ST3GAL6: variants seen among roughly 807,000 people sequenced by gnomAD.
The protein encoded by ST3GAL6 is ST3 beta-galactoside alpha-2,3-sialyltransferase 6, also known as type 2 lactosamine alpha-2,3-sialyltransferase.
A neutral mutation model predicts 40.5 loss-of-function variants in ST3GAL6; 31 were observed. That is an observed-to-expected ratio of 0.77 (90% confidence interval 0.58 to 1.03). The LOEUF (loss-of-function observed/expected upper bound fraction) is 1.03, where lower values mean the gene tolerates loss of function less well. ST3GAL6 is among the 50% of genes least tolerant of loss of function. The pLI is 0.00. For missense variants in ST3GAL6, 357 were observed against 393.2 expected, an observed-to-expected ratio of 0.91 and a Z score of 0.78; for synonymous variants, 129 against 136.9, an observed-to-expected ratio of 0.94 and a Z score of 0.40.
rs1459511327 is a variant in ST3GAL6, at chr3:98,794,584, T to TAAAC, written c.*825_*828dup. The TAAAC allele has an allele frequency of 1.3e-5, 2 of 151,850 alleles. No individual in the cohort carries two copies. Among genetic ancestry groups the TAAAC allele is most frequent in the Admixed American group, 6.6e-5 (1 of 15,228 alleles). The allele number at this position is 151,850 out of a possible 1,614,324, so 9.4% of individuals were successfully genotyped here. A position where few individuals can be genotyped will look rare whatever the true frequency, so the allele number is the denominator to read the frequency against. On this transcript the variant is annotated 3_prime_UTR_variant, in exon 10 of 10. Transcript: ENST00000483910. ...AAGGTAAAGAAGATAACAGAACAAG[T>TAAAC]AAACACTTAAGAAAAGTCAAGCTGA...
At chr3:98,756,610 A>G in intron 1 of ST3GAL6, 1 of 1,103,598 alleles carries the variant, frequency 9.1e-7, no homozygotes, top group Non-Finnish European at 1.1e-6. Context: ...TAATGTTCTT[A>G]TACAATGCTT....
In ST3GAL6 at chr3:98,736,923, T is replaced by A. The variant is rs145934425; in HGVS notation, c.-12+4391T>A. ...AAAGACGGAGTGGGAGGAGATGTAG[T>A]CAGTAAGATAGGAAGGCAGATTTTG... On this transcript the variant is annotated intron_variant, in intron 1 of 9. Transcript: ENST00000265261. Among the ~76,000 whole-genome samples, 127 of 152,292 alleles carry A rather than the reference T, an allele frequency of 8.3e-4. 1 individual carries two copies. The highest frequency in any genetic ancestry group is 2.4e-3 in the Admixed American group (36 of 15,304).
chr3:98,745,127 G>A (rs1936443357), intron 1 of ST3GAL6, among the ~76,000 whole-genome samples: 1 of 152,092 alleles, frequency 6.6e-6, no homozygotes, highest in South Asian at 2.1e-4. Flanking sequence ...TCTGCCTCTG[G>A]GTTTCAAGCG....
upstream of ST3GAL6, among the ~76,000 whole-genome samples, chr3:98,761,710 A>G (rs1937792122): frequency 6.6e-6 from 1 of 152,216 alleles, no homozygotes; most frequent in South Asian, 2.1e-4. Context: ...ATAAGAGAAT[A>G]CAGGGACAAT....
At chr3:98,767,993 C>T (rs1938542183) in intron 1 of ST3GAL6, among the ~76,000 whole-genome samples, 1 of 152,086 alleles carries the variant, frequency 6.6e-6, no homozygotes, top group Non-Finnish European at 1.5e-5. Flanking sequence ...AACATCATTT[C>T]AAGCACTGAA....
In ST3GAL6 at chr3:98,750,563, C is replaced by CTT. The variant is rs34993293; in HGVS notation, c.-11-17854_-11-17853dup. Among the ~76,000 whole-genome samples the CTT allele has an allele frequency of 3.1e-3, 439 of 143,136 alleles. 1 individual carries two copies. Among genetic ancestry groups the CTT allele is most frequent in the African/African-American group, 0.01 (402 of 38,938 alleles). The allele number at this position is 143,136 out of a possible 152,430, so 93.9% of individuals were successfully genotyped here. A position where few individuals can be genotyped will look rare whatever the true frequency, so the allele number is the denominator to read the frequency against. On this transcript the variant is annotated intron_variant, in intron 1 of 9. Transcript: ENST00000265261. ...GCTTCAGACTAGCAGCACTGGCATT[C>CTT]TTTTTTTTTTTTTTGCATGATTTGG...
In ST3GAL6 at chr3:98,775,175, G is replaced by GAGTTAAGA. The variant is rs554287837; in HGVS notation, c.335+1193_335+1200dup. The stretch of plus-strand genomic sequence containing the variant: ...GTTCAACTCCAGTGCCTGGATGTCT[G>GAGTTAAGA]AGTTAAGAGTAATAAAGGTGGCCGG... On this transcript the variant is annotated intron_variant, in intron 5 of 9. Coordinates refer to ENST00000483910, the MANE Select transcript of ST3GAL6 (RefSeq NM_001323368.2). 3.5e-3 allele frequency among the ~76,000 whole-genome samples: 536 copies of GAGTTAAGA among 152,246 alleles called. 5 individuals carry two copies. Among genetic ancestry groups the GAGTTAAGA allele is most frequent in the African/African-American group, 9.3e-3 (386 of 41,528 alleles).
intron 1 of ST3GAL6, among the ~76,000 whole-genome samples, chr3:98,738,023 C>A (rs1935702597): frequency 6.6e-6 from 1 of 151,956 alleles, no homozygotes; most frequent in Non-Finnish European, 1.5e-5. Flanking sequence ...ACACCATCCC[C>A]CTGGGTGCTG....
chr3:98,767,002 T>G (rs1938425058), intron 1 of ST3GAL6, among the ~76,000 whole-genome samples: 2 of 152,234 alleles, frequency 1.3e-5, no homozygotes, highest in Admixed American at 1.3e-4. Flanking sequence ...TATACCTAAT[T>G]AGAAGTATGT....
chr3:98,774,136 T>A (rs950258965), intron 5 of ST3GAL6, among the ~76,000 whole-genome samples, 153 bp downstream of exon 5: 1 of 152,240 alleles, frequency 6.6e-6, no homozygotes, highest in African/African-American at 2.4e-5. Flanking sequence ...GACACTTAAA[T>A]ACCTATAAAA....
At chr3:98,732,861 C>A in intron 1 of ST3GAL6, 6 of 1,512,118 alleles carry the variant, frequency 4.0e-6, no homozygotes, top group Middle Eastern at 2.3e-4. Context: ...CTTCTGCGGC[C>A]CGATGTGGCA....
At chr3:98,757,478 G>T (rs1250659809) in intron 1 of ST3GAL6, among the ~76,000 whole-genome samples, 1 of 152,160 alleles carries the variant, frequency 6.6e-6, no homozygotes, top group Non-Finnish European at 1.5e-5. Flanking sequence ...AGGTTTTACT[G>T]CCAGCAACAC....
At chr3:98,752,723 G>A (rs1292397457) in intron 1 of ST3GAL6, among the ~76,000 whole-genome samples, 2 of 152,020 alleles carry the variant, frequency 1.3e-5, no homozygotes, top group Middle Eastern at 3.2e-3. Context: ...TGCCCGCCTC[G>A]GCCTCCCAAA....
At chr3:98,756,368 G>C in intron 1 of ST3GAL6, 1 of 1,289,694 alleles carries the variant, frequency 7.8e-7, no homozygotes, top group Non-Finnish European at 1.0e-6. Context: ...TTTTATTTCA[G>C]CATTTGCAAG....
At chr3:98,742,759 C>T (rs577266089) in intron 1 of ST3GAL6, among the ~76,000 whole-genome samples, 10 of 149,026 alleles carry the variant, frequency 6.7e-5, no homozygotes, top group South Asian at 4.2e-4. Flanking sequence ...AGTGCAGTGG[C>T]GCAATCTTGG....
chr3:98,732,992 T>G, intron 1 of ST3GAL6: 1 of 1,486,236 alleles, frequency 6.7e-7, no homozygotes, highest in South Asian at 1.3e-5. Flanking sequence ...CCGGCTTCGC[T>G]GCGGGTTTGC....
chr3:98,762,999 T>A (rs1486559459), upstream of ST3GAL6: 29 of 985,278 alleles, frequency 2.9e-5, no homozygotes, highest in Non-Finnish European at 3.5e-5. Context: ...GCATTTGGAC[T>A]ACCTAATTAG....
chr3:98,784,918 T>C, intron 5 of ST3GAL6, 27 bp from the exon 6 acceptor site: 2 of 1,578,452 alleles, frequency 1.3e-6, no homozygotes, highest in Non-Finnish European at 1.7e-6. Context: ...GATGGCTCAA[T>C]CTCTCACTTG....
intron 1 of ST3GAL6, among the ~76,000 whole-genome samples, chr3:98,752,174 C>G (rs1223404339): frequency 6.6e-6 from 1 of 152,050 alleles, no homozygotes; most frequent in Non-Finnish European, 1.5e-5. Context: ...GCATGGGAGC[C>G]CTCATAAAGA....
Sources: allele counts gnomAD v4.1 joint callset (sites outside exome capture counted in the v4.1 genomes callset), GRCh38; gene constraint gnomAD v4.1.1; transcripts MANE v1.5; gene names NCBI Gene and HGNC (gene_info 2026-07-23, HGNC 2026-07-21).